Variants in SERPINI1 observed in about 807,000 individuals in gnomAD.
SERPINI1 encodes the protein serpin family I member 1, also known as neuroserpin.
SERPINI1 carries 19 observed loss-of-function variants against 41.1 expected under a neutral mutation model. The observed-to-expected ratio is 0.46, with a 90% CI of 0.32 to 0.68. SERPINI1 has a LOEUF of 0.68. Ranked by LOEUF, SERPINI1 falls within the 30% of genes least tolerant of loss-of-function variation. The pLI, the probability that SERPINI1 is intolerant of heterozygous loss-of-function variation, is 0.03. For missense variants in SERPINI1, 460 were observed against 479.2 expected (o/e 0.96, Z 0.37); for synonymous variants, 138 against 156.6 (o/e 0.88, Z 0.89).
At chr3:167,757,510 TCACA>T (rs143893182) in intron 1 of SERPINI1, among the ~76,000 whole-genome samples, 7 of 149,548 alleles carry the variant, frequency 4.7e-5, no homozygotes, top group East Asian at 2.0e-4. Context: ...TCTCTCTCTC[TCACA>T]CACACACACA....
chr3:167,800,101 A>G (rs956495232), intron 5 of SERPINI1: 1 of 152,192 alleles, frequency 6.6e-6, no homozygotes, highest in African/African-American at 2.4e-5. Flanking sequence ...TATCCAAAAT[A>G]TAAGAATCTA....
chr3:167,792,344 CACACACATATATATAT>C (rs1341689108), intron 3 of SERPINI1, among the ~76,000 whole-genome samples: 3 of 145,104 alleles, frequency 2.1e-5, no homozygotes, highest in Non-Finnish European at 4.5e-5. Flanking sequence ...TATATATATA[CACACACATATATATAT>C]ACACACATAT....
chr3:167,758,927 TAAATA>T (rs1260671628), intron 1 of SERPINI1, among the ~76,000 whole-genome samples: 4 of 152,214 alleles, frequency 2.6e-5, no homozygotes, highest in Admixed American at 2.6e-4. Context: ...GTTTTAAAAA[TAAATA>T]CAAAGGTTAT....
intron 1 of SERPINI1, among the ~76,000 whole-genome samples, chr3:167,784,629 A>T (rs1185641819): frequency 6.6e-6 from 1 of 152,188 alleles, no homozygotes; most frequent in East Asian, 1.9e-4. Context: ...GGGTGGCAGG[A>T]TGGAGAGAGT....
chr3:167,793,596 A>ATATATATT, intron 4 of SERPINI1, among the ~76,000 whole-genome samples: 4 of 140,610 alleles, frequency 2.8e-5, no homozygotes, highest in Non-Finnish European at 4.5e-5. Flanking sequence ...ATATATATAT[A>ATATATATT]TTTTTAATTA....
intron 6 of SERPINI1, among the ~76,000 whole-genome samples, chr3:167,809,836 G>T (rs1711802457): frequency 6.6e-6 from 1 of 152,010 alleles, no homozygotes; most frequent in Non-Finnish European, 1.5e-5. Flanking sequence ...ACAGTCTAAG[G>T]ACTATTTGCC....
intron 5 of SERPINI1, among the ~76,000 whole-genome samples, chr3:167,802,961 G>A (rs1711504409): frequency 6.6e-6 from 1 of 151,322 alleles, no homozygotes; most frequent in Non-Finnish European, 1.5e-5. Flanking sequence ...AAAATGATGA[G>A]TTCATGTCCT....
intron 6 of SERPINI1, 91 bp from the exon 7 acceptor site, chr3:167,822,895 C>A (rs1352265450): frequency 4.0e-6 from 3 of 749,226 alleles, no homozygotes; most frequent in Non-Finnish European, 7.3e-6. Flanking sequence ...GTATCCCAGT[C>A]TCTTAGATCT....
chr3:167,761,983 A>G (rs1261448837), intron 1 of SERPINI1, among the ~76,000 whole-genome samples: 2 of 152,204 alleles, frequency 1.3e-5, no homozygotes, highest in East Asian at 1.9e-4. Flanking sequence ...AATACCTAGT[A>G]TGGTACTTTC....
At chr3:167,821,210 T>A (rs1712313746) in intron 6 of SERPINI1, among the ~76,000 whole-genome samples, 2 of 152,162 alleles carry the variant, frequency 1.3e-5, no homozygotes, top group African/African-American at 4.8e-5. Context: ...CTGAAAGAGC[T>A]GTAACACAAA....
chr3:167,751,778 A>G (rs1726055099), intron 1 of SERPINI1, among the ~76,000 whole-genome samples: 1 of 151,890 alleles, frequency 6.6e-6, no homozygotes, highest in Non-Finnish European at 1.5e-5. Context: ...TATCTTTTTC[A>G]TGTACGATAA....
At position 167,807,253 on chromosome 3, in the gene SERPINI1, G is replaced by A; in HGVS notation, c.891G>A (p.Val297=). The change falls in exon 6 of 9, where the codon GTG becomes GTA. Residue 297 remains valine, a synonymous_variant. Coordinates refer to ENST00000446050, the MANE Select transcript of SERPINI1 (RefSeq NM_001122752.2). ...KVEVYLPRFT[V]EQEIDLKDVL... ...CCTATGTGTTCTCCAGGTTCACAGT[G>A]GAACAGGAAATTGATTTAAAAGATG... The A allele has an allele frequency of 6.2e-7, 1 of 1,610,194 alleles. No homozygotes were observed. The highest frequency in any genetic ancestry group is 1.1e-5 in the South Asian group (1 of 90,976).
intron 5 of SERPINI1, among the ~76,000 whole-genome samples, chr3:167,801,401 T>C (rs1727894030): frequency 6.6e-6 from 1 of 152,232 alleles, no homozygotes; most frequent in East Asian, 1.9e-4. Flanking sequence ...TTATAATTTA[T>C]GAAATGTAAA....
At chr3:167,818,121 G>A (rs953867068) in intron 6 of SERPINI1, among the ~76,000 whole-genome samples, 1 of 151,928 alleles carries the variant, frequency 6.6e-6, no homozygotes, top group African/African-American at 2.4e-5. Flanking sequence ...TGCCTCTCGG[G>A]TTCAAGAGAT....
At chr3:167,752,642 C>T (rs1242086389) in intron 1 of SERPINI1, among the ~76,000 whole-genome samples, 3 of 152,042 alleles carry the variant, frequency 2.0e-5, no homozygotes, top group Non-Finnish European at 4.4e-5. Context: ...ATACTCTCTC[C>T]TGTATAACTT....
At chr3:167,769,657 T>G (rs1726678705) in intron 1 of SERPINI1, among the ~76,000 whole-genome samples, 1 of 152,214 alleles carries the variant, frequency 6.6e-6, no homozygotes, top group South Asian at 2.1e-4. Flanking sequence ...TTCATTTTTT[T>G]ACAAGTCATG....
chr3:167,793,911 C>A (rs1223024754), intron 4 of SERPINI1, among the ~76,000 whole-genome samples: 1 of 150,112 alleles, frequency 6.7e-6, no homozygotes, highest in East Asian at 1.9e-4. Context: ...CCAATTGCCT[C>A]ATTTACCTAA....
intron 1 of SERPINI1, among the ~76,000 whole-genome samples, chr3:167,739,325 G>A (rs1026480713): frequency 1.1e-4 from 16 of 152,160 alleles, no homozygotes; most frequent in Admixed American, 8.5e-4. Context: ...CAATACTTCT[G>A]TAATGCACAC....
chr3:167,796,735 AT>A (rs35791114), intron 5 of SERPINI1, among the ~76,000 whole-genome samples: 7 of 150,118 alleles, frequency 4.7e-5, no homozygotes, highest in East Asian at 2.0e-4. Flanking sequence ...TATGTACAAC[AT>A]TTTTTTTTTA....
Sources: allele counts gnomAD v4.1 joint callset (sites outside exome capture counted in the v4.1 genomes callset), GRCh38; gene constraint gnomAD v4.1.1; transcripts MANE v1.5; gene names NCBI Gene and HGNC (gene_info 2026-07-23, HGNC 2026-07-21).